The following MGST1 variants were observed in gnomAD, a reference collection of about 807,000 sequenced individuals.
MGST1 encodes the protein glutathione S-transferase 12.
In MGST1, 5 loss-of-function variants were observed where a neutral mutation model predicts 8.9. The ratio of observed to expected loss-of-function variants is 0.56; its 90% CI spans 0.29 to 1.19. MGST1 has a LOEUF of 1.19. Among genes scored for constraint, MGST1 ranks in the 50% most tolerant of loss-of-function variants. MGST1 has a pLI of 0.08. For missense variants in MGST1, 182 were observed against 187.4 expected (o/e 0.97, Z 0.17); for synonymous variants, 54 against 67.8 (o/e 0.80, Z 1.00).
intron 4 of MGST1, among the ~76,000 whole-genome samples, chr12:16,570,992 C>A (rs1942793842): frequency 6.6e-6 from 1 of 151,982 alleles, no homozygotes; most frequent in African/African-American, 2.4e-5. Context: ...ATGTAACTAA[C>A]CTGCACATTG....
At position 16,399,800 on chromosome 12, in the gene MGST1, G is replaced by T. The variant is rs931908137; in HGVS notation, n.778+16196G>T. The T allele has an allele frequency of 4.2e-6, 5 of 1,196,634 alleles. No individual in the cohort carries two copies. In the Admixed American group the frequency reaches 6.7e-5, roughly 16 times the overall value. The allele number at this position is 1,196,634 out of a possible 1,614,324, so 74.1% of individuals were successfully genotyped here. A position where few individuals can be genotyped will look rare whatever the true frequency, so the allele number is the denominator to read the frequency against. ...ACCATTCCTTGATGGGTCAAGAGAG[G>T]CTACAAGAATGGCATTGATCATGGT... On this transcript the variant is annotated intron_variant and non_coding_transcript_variant, in intron 1 of 1. Transcript: ENST00000359720.
chr12:16,435,858 A>T (rs1468817363), intron 1 of MGST1, among the ~76,000 whole-genome samples: 2 of 151,928 alleles, frequency 1.3e-5, no homozygotes, highest in African/African-American at 4.8e-5. Flanking sequence ...CATTATTCAG[A>T]TACTACTCTA....
chr12:16,454,162 T>C (rs1278454973), intron 4 of MGST1, among the ~76,000 whole-genome samples: 1 of 151,928 alleles, frequency 6.6e-6, no homozygotes, highest in African/African-American at 2.4e-5. Context: ...TTCAGATTGC[T>C]AAGTTCAAAC....
Position 16,363,290 on chromosome 12 carries a change from A to G in MGST1, c.222-505A>G, listed in dbSNP as rs1940081484. 1 of 152,206 alleles carries G rather than the reference A, an allele frequency of 6.6e-6. No homozygotes were observed. The highest frequency in any genetic ancestry group is 6.5e-5 in the Admixed American group (1 of 15,274). 9.4% of individuals were successfully genotyped at this position (152,206 alleles called of 1,614,324 possible). ...AAGAGCATGAGAGTCTTGATATTAA[A>G]TTGGTAAATTAATTATTGGCAACCT... On this transcript the variant is annotated intron_variant, in intron 3 of 3. Coordinates refer to ENST00000396210, the MANE Select transcript of MGST1 (RefSeq NM_020300.5). The surrounding 1 kb of genome is among the most constrained non-coding windows in gnomAD (Gnocchi z 4.6).
intron 4 of MGST1, among the ~76,000 whole-genome samples, chr12:16,457,882 C>T (rs1941188562): frequency 6.6e-6 from 1 of 151,902 alleles, no homozygotes; most frequent in African/African-American, 2.4e-5. Flanking sequence ...TTCTTTGAAA[C>T]AATGTGCTGC....
chr12:16,501,962 A>G (rs556223121), intron 4 of MGST1, among the ~76,000 whole-genome samples: 1 of 152,294 alleles, frequency 6.6e-6, no homozygotes, highest in South Asian at 2.1e-4. Flanking sequence ...AATCTGGAGT[A>G]CAAATAATAA....
chr12:16,450,662 A>G (rs1037657154), intron 4 of MGST1, among the ~76,000 whole-genome samples: 2 of 151,964 alleles, frequency 1.3e-5, no homozygotes, highest in African/African-American at 2.4e-5. Context: ...TGTTAACACA[A>G]TTTAACACAC....
At chr12:16,592,481 A>G (rs532069769), downstream of MGST1, among the ~76,000 whole-genome samples, 108 of 152,130 alleles carry the variant, frequency 7.1e-4, no homozygotes, top group South Asian at 2.1e-3. Context: ...CATTCACAGT[A>G]TAAGTGAGCA....
At chr12:16,430,572 G>A (rs2111157) in intron 1 of MGST1, among the ~76,000 whole-genome samples, 92,982 of 151,922 alleles carry the variant, frequency 0.61, 28,754 homozygotes, top group East Asian at 0.8. Context: ...GCTCTTGGGT[G>A]ATCAGGTGCA....
intron 1 of MGST1, chr12:16,399,706 T>C: frequency 7.9e-7 from 1 of 1,264,822 alleles, no homozygotes; most frequent in Non-Finnish European, 1.2e-6. Flanking sequence ...TCATCAACAA[T>C]GGTCTTTATT....
At chr12:16,511,392 C>T (rs1342408521) in intron 4 of MGST1, among the ~76,000 whole-genome samples, 3 of 152,226 alleles carry the variant, frequency 2.0e-5, no homozygotes, top group Non-Finnish European at 2.9e-5. Context: ...TTAGAGCTTT[C>T]TCCATCTAGC....
intron 1 of MGST1, among the ~76,000 whole-genome samples, chr12:16,390,518 A>G (rs1940542197): frequency 6.6e-6 from 1 of 152,114 alleles, no homozygotes. Context: ...CTCATCATTT[A>G]GCTTCCACTT....
intron 4 of MGST1, among the ~76,000 whole-genome samples, chr12:16,463,362 TAAGAG>T (rs1298126205): frequency 6.9e-6 from 1 of 144,988 alleles, no homozygotes; most frequent in Non-Finnish European, 1.5e-5. Flanking sequence ...ACTTTTTTCT[TAAGAG>T]AAAGAGATTG....
rs531375855 is a variant in MGST1 at position 16,474,067 on chromosome 12, G to T, written n.482+90463G>T. ...TGGAACGGAGTGAACAATTTGTTCT[G>T]CAACATTTGAGTTTCAGTTGGAACA... On this transcript the variant is annotated intron_variant and non_coding_transcript_variant, in intron 4 of 4. Transcript: ENST00000538857. Among the ~76,000 whole-genome samples, 15 of 152,240 alleles carry T rather than the reference G, an allele frequency of 9.9e-5. No homozygotes were observed. The East Asian group carries it at 2.1e-3, about 22-fold the overall frequency.
chr12:16,573,034 ATG>A (rs1401091818), intron 4 of MGST1, among the ~76,000 whole-genome samples: 7 of 151,962 alleles, frequency 4.6e-5, no homozygotes, highest in Non-Finnish European at 1.0e-4. Flanking sequence ...TGTTTTTATT[ATG>A]TGTTTCTCTA....
chr12:16,384,393 A>C (rs767017528), intron 1 of MGST1, among the ~76,000 whole-genome samples: 1 of 152,122 alleles, frequency 6.6e-6, no homozygotes, highest in African/African-American at 2.4e-5. Flanking sequence ...ATTAGAAGAG[A>C]AGGGGAAACA....
At chr12:16,565,961 T>A (rs1387445126) in intron 4 of MGST1, among the ~76,000 whole-genome samples, 1 of 124,354 alleles carries the variant, frequency 8.0e-6, no homozygotes, top group African/African-American at 3.1e-5. Flanking sequence ...CATCAATGGA[T>A]GAATGGATGA....
At chr12:16,438,193 A>G (rs745429974) in exon 2 of MGST1, 2 of 151,974 alleles carry the variant, frequency 1.3e-5, no homozygotes, top group Non-Finnish European at 1.5e-5. Flanking sequence ...GAATTTCACT[A>G]TAGTGGCTGG....
downstream of MGST1, among the ~76,000 whole-genome samples, chr12:16,440,327 A>G (rs1941028706): frequency 6.6e-6 from 1 of 151,692 alleles, no homozygotes; most frequent in Admixed American, 6.6e-5. Context: ...TTATATTTGG[A>G]TACTCCATGT....
Sources: allele counts gnomAD v4.1 joint callset (sites outside exome capture counted in the v4.1 genomes callset), GRCh38; gene constraint gnomAD v4.1.1; non-coding constraint Gnocchi (gnomAD v3.1); transcripts MANE v1.5; gene names NCBI Gene and HGNC (gene_info 2026-07-23, HGNC 2026-07-21).